RBPJ: variants seen among roughly 807,000 people sequenced by gnomAD.
RBPJ encodes the protein recombination signal binding protein for immunoglobulin kappa J region, also known as recombining binding protein suppressor of hairless.
Under a neutral mutation model 67.8 loss-of-function variants are expected in RBPJ, and 9 were observed. The ratio of observed to expected loss-of-function variants is 0.13; its 90% CI spans 0.08 to 0.23. The LOEUF (loss-of-function observed/expected upper bound fraction) is 0.23, where lower values mean the gene tolerates loss of function less well. Ranked by LOEUF, RBPJ falls within the 10% of genes least tolerant of loss-of-function variation. RBPJ has a pLI of 1.00. For missense variants in RBPJ, 305 were observed against 595.6 expected (o/e 0.51, Z 5.08); for synonymous variants, 198 against 203.3 (o/e 0.97, Z 0.22).
intron 8 of RBPJ, among the ~76,000 whole-genome samples, chr4:26,429,492 T>C (rs1736003547): frequency 1.3e-5 from 2 of 152,204 alleles, no homozygotes; most frequent in Non-Finnish European, 2.9e-5. Flanking sequence ...CCATGGAACA[T>C]GCATAAGCTT....
chr4:26,395,036 C>G (rs1020206244), intron 2 of RBPJ, among the ~76,000 whole-genome samples: 5 of 152,226 alleles, frequency 3.3e-5, no homozygotes, highest in African/African-American at 1.2e-4. Context: ...CCATACCTCT[C>G]TGTTCTCACA....
intron 2 of RBPJ, among the ~76,000 whole-genome samples, chr4:26,397,038 A>G (rs1732190620): frequency 6.6e-6 from 1 of 152,234 alleles, no homozygotes; most frequent in Admixed American, 6.5e-5. Context: ...AAGAAAAACA[A>G]GGAGATCTTA....
At chr4:26,141,827 G>T in the RBPJ span, among the ~76,000 whole-genome samples, 1 of 152,064 alleles carries the variant, frequency 6.6e-6, no homozygotes, top group Admixed American at 6.6e-5. Context: ...CCAGCCTCCA[G>T]TTCCTGCCAT....
chr4:26,305,766 C>CTTTTTTTTTTTTTTTTTTTTTTTT (rs1722212611), intron 1 of RBPJ, among the ~76,000 whole-genome samples: 1 of 57,662 alleles, frequency 1.7e-5, no homozygotes, highest in Admixed American at 1.9e-4. Context: ...TTAGAATTTT[C>CTTTTTTTTTTTTTTTTTTTTTTTT]TTTTCTTTTT....
the RBPJ span, among the ~76,000 whole-genome samples, chr4:26,109,590 T>TATATATATATATACACACACAC: frequency 2.3e-5 from 2 of 88,624 alleles, no homozygotes; most frequent in Non-Finnish European, 2.4e-5. Flanking sequence ...TATATATATA[T>TATATATATATATACACACACAC]ATATATATAC....
chr4:26,250,392 C>T lies in RBPJ; in HGVS notation c.-167+86778C>T, dbSNP rs113172287. On this transcript the variant is annotated intron_variant, in intron 1 of 4. Coordinates refer to the RBPJ transcript ENST00000512351. The stretch of plus-strand genomic sequence containing the variant: ...TGTCACCCAGGCTGTAGTACAGTAG[C>T]GTGGTCTCGGCTTACTGTAACCTCC... Among the ~76,000 whole-genome samples the T allele has an allele frequency of 7.6e-3, 1,064 of 139,712 alleles. 12 individuals are homozygous for T. Among genetic ancestry groups the T allele is most frequent in the African/African-American group, 0.027 (987 of 37,040 alleles). 91.7% of individuals were successfully genotyped at this position (139,712 alleles called of 152,430 possible).
chr4:26,278,714 C>T (rs936927616), intron 1 of RBPJ, among the ~76,000 whole-genome samples: 7 of 152,204 alleles, frequency 4.6e-5, no homozygotes, highest in African/African-American at 1.7e-4. Flanking sequence ...TCAAAAATCT[C>T]TTTTGCCCCT....
intron 2 of RBPJ, among the ~76,000 whole-genome samples, chr4:26,391,774 A>G (rs1731528300): frequency 1.3e-5 from 2 of 152,250 alleles, no homozygotes; most frequent in African/African-American, 4.8e-5. Context: ...GAATATGACA[A>G]ATACCCATTA....
the RBPJ span, among the ~76,000 whole-genome samples, chr4:26,119,981 T>C: frequency 6.6e-6 from 1 of 152,200 alleles, no homozygotes; most frequent in East Asian, 1.9e-4. Context: ...TATAGGTAGG[T>C]TCTCTTTCTA....
chr4:26,186,416 A>C (rs1237432409), intron 1 of RBPJ, among the ~76,000 whole-genome samples: 1 of 152,170 alleles, frequency 6.6e-6, no homozygotes. Flanking sequence ...AGTGAATACT[A>C]CATGGGTATT....
At chr4:26,141,239 T>C in the RBPJ span, among the ~76,000 whole-genome samples, 3 of 152,262 alleles carry the variant, frequency 2.0e-5, no homozygotes, top group Non-Finnish European at 4.4e-5. Context: ...TTGTTATTCA[T>C]GCGTGGATGT....
At chr4:26,225,205 G>T (rs1193812845) in intron 1 of RBPJ, among the ~76,000 whole-genome samples, 1 of 152,232 alleles carries the variant, frequency 6.6e-6, no homozygotes, top group African/African-American at 2.4e-5. Context: ...AGAACTCATT[G>T]CTTTGTGGTA....
chr4:26,154,958 C>T, the RBPJ span, among the ~76,000 whole-genome samples: 35 of 152,312 alleles, frequency 2.3e-4, no homozygotes, highest in African/African-American at 7.0e-4. Context: ...ACTGAGAACA[C>T]ATGAGATTTG....
chr4:26,374,596 C>T (rs1182256571), intron 1 of RBPJ, among the ~76,000 whole-genome samples: 1 of 151,946 alleles, frequency 6.6e-6, no homozygotes. Flanking sequence ...CTGCCTCAGC[C>T]TCCCGAGTAG....
chr4:26,304,650 T>C (rs1427096981), intron 1 of RBPJ, among the ~76,000 whole-genome samples: 2 of 152,210 alleles, frequency 1.3e-5, no homozygotes, highest in African/African-American at 4.8e-5. Context: ...TTTGGAGAAA[T>C]ATGTATTCAG....
intron 1 of RBPJ, among the ~76,000 whole-genome samples, chr4:26,189,122 T>C (rs185696379): frequency 6.6e-6 from 1 of 151,994 alleles, no homozygotes; most frequent in Non-Finnish European, 1.5e-5. Context: ...GAGGCCAAGG[T>C]GGAAGGATCA....
intron 2 of RBPJ, among the ~76,000 whole-genome samples, chr4:26,395,215 G>A (rs184278949): frequency 1.3e-5 from 2 of 152,128 alleles, no homozygotes; most frequent in Non-Finnish European, 2.9e-5. Flanking sequence ...CCAGCATTTT[G>A]GGTGGCCAAG....
the RBPJ span, among the ~76,000 whole-genome samples, chr4:26,114,377 A>C: frequency 6.6e-6 from 1 of 151,406 alleles, no homozygotes; most frequent in Non-Finnish European, 1.5e-5. Context: ...GAGAAGCTTG[A>C]ACCCGGGAGA....
chr4:26,146,025 C>T, the RBPJ span, among the ~76,000 whole-genome samples: 1 of 152,284 alleles, frequency 6.6e-6, no homozygotes. Context: ...CAGCCTTGAC[C>T]TTCTGGGCTC....
Sources: gnomAD v4.1 joint callset for allele counts (sites outside exome capture counted in the v4.1 genomes callset) on GRCh38, gnomAD v4.1.1 for gene constraint, MANE v1.5 for transcripts, NCBI Gene and HGNC (gene_info 2026-07-23, HGNC 2026-07-21) for gene names.